CNTN5: variants seen among roughly 807,000 people sequenced by gnomAD.
CNTN5 encodes contactin-5.
CNTN5 carries 77 observed loss-of-function variants against 129.1 expected under a neutral mutation model. The observed-to-expected ratio is 0.60, with a 90% CI of 0.50 to 0.72. CNTN5 has a LOEUF of 0.72. Among genes scored for constraint, CNTN5 ranks in the 30% least tolerant of loss-of-function variants. The pLI is 0.00. For missense variants in CNTN5, 1,478 were observed against 1,328.8 expected, an observed-to-expected ratio of 1.11 and a Z score of -1.75; for synonymous variants, 509 against 465.6, an observed-to-expected ratio of 1.09 and a Z score of -1.20.
intron 2 of CNTN5, among the ~76,000 whole-genome samples, chr11:99,523,786 G>T (rs67752564): frequency 6.6e-6 from 1 of 151,810 alleles, no homozygotes; most frequent in Non-Finnish European, 1.5e-5. Context: ...TCTAGGAAGC[G>T]TGATTGAGCA....
intron 1 of CNTN5, among the ~76,000 whole-genome samples, chr11:99,249,819 G>A (rs1000010101): frequency 6.6e-6 from 1 of 151,850 alleles, no homozygotes; most frequent in African/African-American, 2.4e-5. Context: ...TTTCTTTAGT[G>A]TTGGTAAAAT....
At chr11:100,142,605 C>A (rs1669239799) in intron 13 of CNTN5, among the ~76,000 whole-genome samples, 1 of 152,170 alleles carries the variant, frequency 6.6e-6, no homozygotes, top group East Asian at 1.9e-4. Context: ...ATCAAGTAAC[C>A]TTTTAATCAA....
At chr11:99,044,915 A>G (rs113455285) in intron 1 of CNTN5, among the ~76,000 whole-genome samples, 1 of 152,162 alleles carries the variant, frequency 6.6e-6, no homozygotes, top group Admixed American at 6.5e-5. Context: ...ACAAAACCCA[A>G]CTTTACCACT....
chr11:100,135,023 A>C (rs1946479870), intron 13 of CNTN5, among the ~76,000 whole-genome samples: 1 of 152,084 alleles, frequency 6.6e-6, no homozygotes, highest in Non-Finnish European at 1.5e-5. Flanking sequence ...TAATTCATTC[A>C]TTGATTCATT....
At chr11:100,140,327 C>T (rs188724037) in intron 13 of CNTN5, among the ~76,000 whole-genome samples, 2 of 152,170 alleles carry the variant, frequency 1.3e-5, no homozygotes, top group African/African-American at 4.8e-5. Context: ...TAAAATAGAA[C>T]TTCAGGTTTT....
At chr11:99,846,357 CAAAAAAAAAA>C (rs35705639) in intron 6 of CNTN5, among the ~76,000 whole-genome samples, 1 of 61,400 alleles carries the variant, frequency 1.6e-5, no homozygotes, top group East Asian at 5.0e-4. Flanking sequence ...GGATCTGTCT[CAAAAAAAAAA>C]AAAAAAAAAA....
intron 1 of CNTN5, among the ~76,000 whole-genome samples, chr11:99,246,493 G>T (rs115900957): frequency 0.015 from 2,246 of 152,158 alleles, 62 homozygotes; most frequent in African/African-American, 0.051. Flanking sequence ...GAATTTCAGC[G>T]CAAGTTATAC....
Position 99,413,254 on chromosome 11 carries a change from A to C in CNTN5, c.-71+87770A>C, listed in dbSNP as rs531225132. On this transcript the variant is annotated intron_variant, in intron 2 of 24. Transcript: ENST00000524871. ...TAACTAGAACAGGCAATAAACACAAAAGCAAGGGACTTAGTCTGAAATATC... is the reference window on the plus strand; with the variant it reads ...TAACTAGAACAGGCAATAAACACAACAGCAAGGGACTTAGTCTGAAATATC... Among the ~76,000 whole-genome samples, 4 of 152,310 alleles carry C rather than the reference A, an allele frequency of 2.6e-5. No homozygotes were observed. In the South Asian group the frequency reaches 8.3e-4, roughly 32 times the overall value.
At position 100,205,294 on chromosome 11, in the gene CNTN5, T is replaced by G. The variant is rs557584501; in HGVS notation, c.1884+11631T>G. ...CTAAGTGTTATGATATATTTAGTTT[T>G]CAGCTTTTCAGAATCCTCTAGTTTC... On this transcript the variant is annotated intron_variant, in intron 15 of 24. Coordinates refer to ENST00000524871, the MANE Select transcript of CNTN5 (RefSeq NM_014361.4). 1.9e-3 allele frequency among the ~76,000 whole-genome samples: 284 copies of G among 152,172 alleles called. 1 individual carries two copies. Among genetic ancestry groups the G allele is most frequent in the African/African-American group, 5.9e-3 (247 of 41,560 alleles).
chr11:99,505,537 C>A (rs1246833082), intron 2 of CNTN5, among the ~76,000 whole-genome samples: 1 of 151,948 alleles, frequency 6.6e-6, no homozygotes, highest in Non-Finnish European at 1.5e-5. Flanking sequence ...GACAGGAGGC[C>A]CAAATAGCAA....
chr11:100,128,622 A>G (rs1166767093), intron 13 of CNTN5, among the ~76,000 whole-genome samples: 1 of 152,182 alleles, frequency 6.6e-6, no homozygotes, highest in South Asian at 2.1e-4. Flanking sequence ...AGATACAGCT[A>G]TAGTAGAAAG....
intron 17 of CNTN5, among the ~76,000 whole-genome samples, chr11:100,260,931 G>A (rs938790265): frequency 3.9e-4 from 59 of 152,064 alleles, no homozygotes; most frequent in African/African-American, 1.2e-3. Flanking sequence ...AAATAGTATC[G>A]GAAGTTTTGG....
chr11:99,461,797 T>C (rs1944709845), intron 2 of CNTN5, among the ~76,000 whole-genome samples: 2 of 152,310 alleles, frequency 1.3e-5, no homozygotes, highest in Non-Finnish European at 1.5e-5. Context: ...AAGAATGTGC[T>C]ACCCTCTTTA....
intron 2 of CNTN5, among the ~76,000 whole-genome samples, chr11:99,412,916 T>G (rs2135017502): frequency 6.6e-6 from 1 of 152,274 alleles, no homozygotes; most frequent in South Asian, 2.1e-4. Flanking sequence ...TATAACTAAT[T>G]TAATTGTTTT....
intron 13 of CNTN5, among the ~76,000 whole-genome samples, chr11:100,169,116 G>T (rs2138398822): frequency 6.6e-6 from 1 of 152,114 alleles, no homozygotes; most frequent in Admixed American, 6.6e-5. Context: ...GGTTTCTTGA[G>T]ATGGAATCTA....
At chr11:99,463,968 A>G (rs1375579943) in intron 2 of CNTN5, among the ~76,000 whole-genome samples, 1 of 152,246 alleles carries the variant, frequency 6.6e-6, no homozygotes, top group Admixed American at 6.5e-5. Flanking sequence ...TCAAATAAAA[A>G]GTAAAACTAT....
intron 1 of CNTN5, among the ~76,000 whole-genome samples, chr11:99,303,897 T>C (rs1358882408): frequency 6.6e-6 from 1 of 152,150 alleles, no homozygotes; most frequent in Non-Finnish European, 1.5e-5. Flanking sequence ...AACACCATAG[T>C]GTCTAATAAG....
chr11:99,438,504 T>C (rs1301255942), intron 2 of CNTN5, among the ~76,000 whole-genome samples: 1 of 152,116 alleles, frequency 6.6e-6, no homozygotes, highest in Non-Finnish European at 1.5e-5. Flanking sequence ...TTATTTTCCT[T>C]CATATTCTTA....
At chr11:99,243,423 T>C (rs1009879381) in intron 1 of CNTN5, among the ~76,000 whole-genome samples, 1 of 152,066 alleles carries the variant, frequency 6.6e-6, no homozygotes, top group Non-Finnish European at 1.5e-5. Context: ...ATTTACTCTA[T>C]TGATTGTTTC....
Sources: allele counts gnomAD v4.1 joint callset (sites outside exome capture counted in the v4.1 genomes callset), GRCh38; gene constraint gnomAD v4.1.1; transcripts MANE v1.5; gene names NCBI Gene and HGNC (gene_info 2026-07-23, HGNC 2026-07-21).